The following INTS4 variants were observed in gnomAD, a reference collection of about 807,000 sequenced individuals.
INTS4 encodes the protein MSTP093.
In INTS4, 70 loss-of-function variants were observed where a neutral mutation model predicts 119.5. The observed-to-expected ratio is 0.59, with a 90% confidence interval of 0.48 to 0.71. The LOEUF (loss-of-function observed/expected upper bound fraction) is 0.71, where lower values mean the gene tolerates loss of function less well. INTS4 is among the 30% of genes least tolerant of loss of function. INTS4 has a pLI of 0.00. For synonymous variants in INTS4, 316 were observed against 419.6 expected (o/e 0.75, Z 3.02); for missense variants, 867 against 1,173.2 (o/e 0.74, Z 3.81).
At chr11:77,989,502 T>C (rs543016546) in intron 2 of INTS4, among the ~76,000 whole-genome samples, 2 of 151,824 alleles carry the variant, frequency 1.3e-5, no homozygotes, top group Admixed American at 6.6e-5. Context: ...AGCGAAAAAA[T>C]AGAGCAAATT....
At chr11:77,874,584 A>G (rs1951547295), downstream of INTS4, among the ~76,000 whole-genome samples, 1 of 152,166 alleles carries the variant, frequency 6.6e-6, no homozygotes, top group South Asian at 2.1e-4. Flanking sequence ...CCTGGTGCAC[A>G]TGGTTAACGA....
chr11:77,903,624 C>T lies in INTS4; in HGVS notation c.2017-4G>A, dbSNP rs760494223. On this transcript the variant is annotated splice_region_variant and splice_polypyrimidine_tract_variant and intron_variant, in intron 16 of 22. Transcript: ENST00000534064. ...TCCACAACTTTTCCTGCAAGGCCTA[C>T]GCAGACAAATCAGGAGGGAACAGAA... 21 of 1,612,038 alleles carry T rather than the reference C, an allele frequency of 1.3e-5. No individual in the cohort carries two copies. Among genetic ancestry groups the T allele is most frequent in the South Asian group, 3.3e-5 (3 of 90,816 alleles).
At position 77,903,629 on chromosome 11, in the gene INTS4, A is replaced by T; in HGVS notation, c.2017-9T>A. The T allele has an allele frequency of 6.2e-7, 1 of 1,610,368 alleles. No individual in the cohort carries two copies. ...AACTTTTCCTGCAAGGCCTACGCAGACAAATCAGGAGGGAACAGAATACCG... is the reference window on the plus strand; with the variant it reads ...AACTTTTCCTGCAAGGCCTACGCAGTCAAATCAGGAGGGAACAGAATACCG... On this transcript the variant is annotated splice_polypyrimidine_tract_variant and intron_variant, in intron 16 of 22. Transcript: ENST00000534064.
At chr11:77,924,197 C>T (rs1202406773) in intron 12 of INTS4, among the ~76,000 whole-genome samples, 2 of 150,522 alleles carry the variant, frequency 1.3e-5, no homozygotes, top group Non-Finnish European at 3.0e-5. Flanking sequence ...GAGTTCAAGA[C>T]CAGCCTAACC....
intron 18 of INTS4, chr11:77,900,475 AT>A: frequency 1.8e-6 from 1 of 562,390 alleles, no homozygotes; most frequent in Non-Finnish European, 3.1e-6. Context: ...GAAATAAAAT[AT>A]TTTATTTTTC....
At chr11:77,969,622 C>T (rs1233544031) in intron 4 of INTS4, among the ~76,000 whole-genome samples, 1 of 152,140 alleles carries the variant, frequency 6.6e-6, no homozygotes, top group Non-Finnish European at 1.5e-5. Context: ...GAGCTTCCCA[C>T]CTTGGCCTCC....
downstream of INTS4, among the ~76,000 whole-genome samples, chr11:77,875,124 A>G (rs1565215912): frequency 6.6e-6 from 1 of 151,978 alleles, no homozygotes; most frequent in Admixed American, 6.6e-5. Flanking sequence ...GAGTTCAATC[A>G]TCTCAAAGCA....
chr11:77,928,662 T>C, intron 10 of INTS4, 115 bp from the exon 11 acceptor site: 1 of 1,453,176 alleles, frequency 6.9e-7, no homozygotes, highest in Non-Finnish European at 9.2e-7. Context: ...GCCTATGCAA[T>C]GTGGTAAAAC....
At chr11:77,943,857 T>C (rs1461283739) in intron 8 of INTS4, among the ~76,000 whole-genome samples, 1 of 152,232 alleles carries the variant, frequency 6.6e-6, no homozygotes, top group African/African-American at 2.4e-5. Flanking sequence ...CATAAGTCTA[T>C]GCAACTAGGT....
chr11:77,967,970 T>C (rs1375832273), intron 4 of INTS4, among the ~76,000 whole-genome samples: 2 of 152,166 alleles, frequency 1.3e-5, no homozygotes, highest in African/African-American at 2.4e-5. Context: ...CAAACCTAGA[T>C]TGTAAAGCCT....
intron 7 of INTS4, among the ~76,000 whole-genome samples, chr11:77,956,372 C>T (rs552409336): frequency 3.9e-5 from 6 of 152,226 alleles, no homozygotes; most frequent in South Asian, 2.1e-4. Context: ...GATCACACCA[C>T]GGCACTCCAG....
At chr11:77,931,593 T>C (rs1428726672) in intron 10 of INTS4, among the ~76,000 whole-genome samples, 3 of 152,042 alleles carry the variant, frequency 2.0e-5, no homozygotes, top group Non-Finnish European at 2.9e-5. Flanking sequence ...CTTAAATATA[T>C]ATACTAGTAT....
intron 11 of INTS4, 92 bp downstream of exon 11, chr11:77,928,250 T>C (rs1441107786): frequency 9.2e-6 from 12 of 1,311,406 alleles, no homozygotes; most frequent in Non-Finnish European, 1.2e-5. Context: ...CTCCCTGATA[T>C]AGTGTTCTGT....
At chr11:77,904,427 A>G (rs1952878175) in intron 16 of INTS4, among the ~76,000 whole-genome samples, 1 of 152,244 alleles carries the variant, frequency 6.6e-6, no homozygotes, top group African/African-American at 2.4e-5. Flanking sequence ...TTAACCCAGT[A>G]TATCCAAGAT....
rs1372763391 is a variant in INTS4, at chr11:77,920,228, CATACATATATACATATAT to C, written c.1764+1094_1764+1111del. ...ATACACACATATATATACACATATA[CATACATATATACATATAT>C]ATACATATATACATATATACACATA... is the stretch of plus-strand genomic sequence containing the variant. On this transcript the variant is annotated intron_variant, in intron 14 of 22. Coordinates refer to ENST00000534064, the MANE Select transcript of INTS4 (RefSeq NM_033547.4). Among the ~76,000 whole-genome samples, 5 of 15,168 alleles carry C rather than the reference CATACATATATACATATAT, an allele frequency of 3.3e-4. No homozygotes were observed. The East Asian group carries it at 6.0e-3, about 18-fold the overall frequency. The allele number at this position is 15,168 out of a possible 152,430, so 10.0% of individuals were successfully genotyped here. A position where few individuals can be genotyped will look rare whatever the true frequency, so the allele number is the denominator to read the frequency against.
At chr11:77,911,233 G>A (rs1328596009) in intron 15 of INTS4, 2 of 1,015,446 alleles carry the variant, frequency 2.0e-6, no homozygotes, top group Non-Finnish European at 2.4e-6. Context: ...TATTCGTTTG[G>A]GTTGCTTGAA....
chr11:77,953,095 T>C (rs1954234324), intron 8 of INTS4, among the ~76,000 whole-genome samples: 1 of 152,236 alleles, frequency 6.6e-6, no homozygotes, highest in African/African-American at 2.4e-5. Flanking sequence ...CATCCATTAC[T>C]ATATCTCATG....
intron 16 of INTS4, among the ~76,000 whole-genome samples, chr11:77,907,385 A>G (rs1952982204): frequency 6.6e-6 from 1 of 152,162 alleles, no homozygotes; most frequent in Non-Finnish European, 1.5e-5. Context: ...TCAAATGAGC[A>G]TTTTAAGAAG....
chr11:77,968,847 G>A (rs1330344846), intron 4 of INTS4, among the ~76,000 whole-genome samples: 1 of 152,104 alleles, frequency 6.6e-6, no homozygotes, highest in Non-Finnish European at 1.5e-5. Context: ...AAACTTGTAA[G>A]TGAATATTCA....
Sources: gnomAD v4.1 joint callset for allele counts (sites outside exome capture counted in the v4.1 genomes callset) on GRCh38, gnomAD v4.1.1 for gene constraint, MANE v1.5 for transcripts, NCBI Gene and HGNC (gene_info 2026-07-23, HGNC 2026-07-21) for gene names.